Variants in SPTB observed in about 807,000 individuals in gnomAD.
SPTB encodes the protein spectrin beta, erythrocytic.
In SPTB, 45 loss-of-function variants were observed where a neutral mutation model predicts 256.2. That is an observed-to-expected ratio of 0.18 (90% CI 0.14 to 0.23). The LOEUF is 0.23. Ranked by LOEUF, SPTB falls within the 10% of genes least tolerant of loss-of-function variation. The pLI, the probability that SPTB is intolerant of heterozygous loss-of-function variation, is 1.00. For synonymous variants in SPTB, 1,231 were observed against 1,243.1 expected, an observed-to-expected ratio of 0.99 and a Z score of 0.21; for missense variants, 2,715 against 3,040.4, an observed-to-expected ratio of 0.89 and a Z score of 2.52.
At chr14:64,803,468 G>A in intron 4 of SPTB, 139 bp downstream of exon 4, 2 of 1,063,708 alleles carry the variant, frequency 1.9e-6, no homozygotes, top group African/African-American at 1.6e-5. Flanking sequence ...CTTCCTACAA[G>A]CACTGTCCCA....
At chr14:64,769,749 G>A (rs2082250108) in intron 27 of SPTB, 21 bp from the exon 28 acceptor site, 1 of 1,614,054 alleles carries the variant, frequency 6.2e-7, no homozygotes, top group Admixed American at 1.7e-5. Context: ...GGAGGACAAG[G>A]GAAGAAGGGA....
At chr14:64,836,628 C>T (rs2083527185) in intron 1 of SPTB, among the ~76,000 whole-genome samples, 1 of 152,168 alleles carries the variant, frequency 6.6e-6, no homozygotes, top group Non-Finnish European at 1.5e-5. Context: ...AGTTGAATGA[C>T]CCAAGCAGTG....
intron 15 of SPTB, among the ~76,000 whole-genome samples, chr14:64,788,349 C>A (rs1220472906): frequency 6.6e-6 from 1 of 152,192 alleles, no homozygotes; most frequent in African/African-American, 2.4e-5. Context: ...ACAGAGAGCG[C>A]TGTTGTGCAT....
At position 64,764,743 on chromosome 14, in the gene SPTB, C is replaced by T. The variant is rs544817118; in HGVS notation, c.6345+1983G>A. Among the ~76,000 whole-genome samples the T allele has an allele frequency of 6.2e-4, 95 of 152,268 alleles. No individual in the cohort carries two copies. Among genetic ancestry groups the T allele is most frequent in the African/African-American group, 2.1e-3 (88 of 41,558 alleles). On this transcript the variant is annotated intron_variant, in intron 32 of 35. Transcript: ENST00000644917. This position sits in a 1 kb window ranked among gnomAD's most constrained non-coding sequence, Gnocchi z 4.2. Reference sequence around the variant, plus strand: ...CACAGGGACGCATGGCAGAAGCAGGCGGGGGCAGGGTGCAGGGCCCTAGCC... The same window carrying T: ...CACAGGGACGCATGGCAGAAGCAGGTGGGGGCAGGGTGCAGGGCCCTAGCC...
rs145664609 is a variant in SPTB at position 64,769,112 on chromosome 14, C to T, written c.5944G>A (p.Glu1982Lys). The T allele has an allele frequency of 1.4e-4, 222 of 1,613,740 alleles. 1 individual carries two copies. In the African/African-American group the frequency reaches 2.5e-3, roughly 18 times the overall value. Residue 1982 changes from glutamate (E) to lysine (K), a missense_variant, in exon 29 of 36, where the codon GAG becomes AAG. Physicochemically the swap from Glu to Lys is moderately conservative, Grantham distance 56 (BLOSUM62 1). Around this residue, in one of 4 missense-constraint regions of SPTB, gnomAD observed 2,239 missense variants for 2,384.4 expected, o/e 0.94. Transcript: ENST00000644917. ...CTGGACATCACCTGCTGCAGTTTCT[C>T]GCGGATCTATGGGGAGGAAAGGGAG... Reference protein sequence around the residue: ...RQHQASEEIREKLQQVMSRRK... With the variant: ...RQHQASEEIRKKLQQVMSRRK...
Position 64,793,634 on chromosome 14 carries a change from G to A in SPTB, c.2029C>T (p.Arg677Cys), listed in dbSNP as rs755493619. Residue 677 changes from arginine (R) to cysteine (C), a missense_variant, in exon 14 of 36, where the codon CGC becomes TGC. Transcript: ENST00000644917. This position sits in a 1 kb window ranked among gnomAD's most constrained non-coding sequence, Gnocchi z 7.0. ...TCATCCTCAAAGGCCTTGTGCTTGC[G>A]CTGTAAGATGAGCACACTGGTCAGG... ...KDLTSVLILQRKHKAFEDELR... is the reference protein window; with the variant it reads ...KDLTSVLILQCKHKAFEDELR... 22 of 1,614,018 alleles carry A rather than the reference G, an allele frequency of 1.4e-5. No homozygotes were observed. In the Admixed American group the frequency reaches 1.8e-4, roughly 13 times the overall value.
At position 64,823,242 on chromosome 14, in the gene SPTB, T is replaced by C. The variant is rs999603096; in HGVS notation, c.-51-97A>G. 2 of 927,264 alleles carry C rather than the reference T, an allele frequency of 2.2e-6. No homozygotes were observed. Among genetic ancestry groups the C allele is most frequent in the Non-Finnish European group, 3.4e-6 (2 of 587,576 alleles). 57.4% of individuals were successfully genotyped at this position (927,264 alleles called of 1,614,324 possible). A position where few individuals can be genotyped will look rare whatever the true frequency, so the allele number is the denominator to read the frequency against. On this transcript the variant is annotated intron_variant, in intron 1 of 35. Transcript: ENST00000644917. The surrounding 1 kb of genome is among the most constrained non-coding windows in gnomAD (Gnocchi z 6.5). ...CGGAGCATCCAACGTGAGTAGATCCTGACAGAAGCAGAACGCCATGTCATC... is the reference window on the plus strand; with the variant it reads ...CGGAGCATCCAACGTGAGTAGATCCCGACAGAAGCAGAACGCCATGTCATC...
At position 64,783,390 on chromosome 14, in the gene SPTB, T is replaced by C. The variant is rs151182755; in HGVS notation, c.4003-837A>G. Among the ~76,000 whole-genome samples the C allele has an allele frequency of 3.6e-3, 549 of 152,206 alleles. 1 individual carries two copies. The highest frequency in any genetic ancestry group is 0.014 in the Middle Eastern group (4 of 294). ...ATAATTTTTGTATTTTTAGTAGAGA[T>C]GGGATTTCGCCATGTTGGCTAGGCT... On this transcript the variant is annotated intron_variant, in intron 19 of 35. Coordinates refer to ENST00000644917, the MANE Select transcript of SPTB (RefSeq NM_001355436.2).
At chr14:64,819,713 G>A (rs1566785314) in intron 2 of SPTB, among the ~76,000 whole-genome samples, 1 of 152,188 alleles carries the variant, frequency 6.6e-6, no homozygotes, top group Non-Finnish European at 1.5e-5. Context: ...TAAGAAGGAA[G>A]AAACAGGTCC....
rs527411647 is a variant in SPTB at position 64,775,425 on chromosome 14, C to T, written c.4564-22G>A. ...GTGTCTGCGGCCAGAAGGAAGGGCT[C>T]GGGGCAGGGCCTTCCCACCATGCGG... On this transcript the variant is annotated intron_variant, in intron 22 of 35. Transcript: ENST00000644917. This position sits in a 1 kb window ranked among gnomAD's most constrained non-coding sequence, Gnocchi z 5.0. The T allele has an allele frequency of 4.5e-5, 72 of 1,606,698 alleles. No homozygotes were observed. The South Asian group carries it at 5.9e-4, about 13-fold the overall frequency.
chr14:64,807,606 T>C lies in SPTB; in HGVS notation c.149-2516A>G, dbSNP rs767708487. On this transcript the variant is annotated intron_variant, in intron 2 of 35. Transcript: ENST00000644917. The surrounding 1 kb of genome is among the most constrained non-coding windows in gnomAD (Gnocchi z 4.7). ...ACACAGAAAGATTTCGAGAGGCTAA[T>C]GATGATTGGAAGGGGAGAAAAGGCC... 9.8e-5 allele frequency among the ~76,000 whole-genome samples: 15 copies of C among 152,290 alleles called. No homozygotes were observed. Among genetic ancestry groups the C allele is most frequent in the Middle Eastern group, 6.8e-3 (2 of 294 alleles).
intron 1 of SPTB, among the ~76,000 whole-genome samples, chr14:64,839,648 A>G (rs2083574968): frequency 6.6e-6 from 1 of 152,252 alleles, no homozygotes; most frequent in African/African-American, 2.4e-5. Flanking sequence ...GCAAATAATT[A>G]TGAAGCACCT....
chr14:64,868,002 G>T (rs1882294522), intron 1 of SPTB, among the ~76,000 whole-genome samples: 1 of 152,110 alleles, frequency 6.6e-6, no homozygotes, highest in Non-Finnish European at 1.5e-5. Context: ...TCCAAGGCAA[G>T]ATAATGGAGA....
Position 64,793,190 on chromosome 14 carries a change from C to G in SPTB, c.2473G>C (p.Ala825Pro), listed in dbSNP as rs2082705309. The G allele has an allele frequency of 1.2e-6, 2 of 1,613,338 alleles. No individual in the cohort carries two copies. The highest frequency in any genetic ancestry group is 2.7e-5 in the African/African-American group (2 of 75,072). ...DSPDVTHRLQ[A>P]LRELYQQVVA... ...ACCTGTTGGTAGAGCTCCCGCAGGG[C>G]CTGCAGCCGATGGGTCACATCTGGG... is the stretch of plus-strand genomic sequence containing the variant. The change falls in exon 14 of 36, where the codon GCC (alanine) becomes CCC (proline). Residue 825 changes from alanine to proline, a missense_variant. By Grantham distance (27) the Ala-to-Pro change is conservative. Around this residue, in one of 4 missense-constraint regions of SPTB, gnomAD observed 2,239 missense variants for 2,384.4 expected, o/e 0.94. Coordinates refer to ENST00000644917, the MANE Select transcript of SPTB (RefSeq NM_001355436.2). The surrounding 1 kb of genome is among the most constrained non-coding windows in gnomAD (Gnocchi z 7.0).
At position 64,764,546 on chromosome 14, in the gene SPTB, G is replaced by T. The variant is rs1176881611; in HGVS notation, c.6345+2180C>A. 6.6e-6 allele frequency among the ~76,000 whole-genome samples: 1 copy of T among 152,222 alleles called. No homozygotes were observed. Among genetic ancestry groups the T allele is most frequent in the African/African-American group, 2.4e-5 (1 of 41,460 alleles). Reference sequence around the variant, plus strand: ...CTTCTTCCCCCAAAGAGATCATCAGGTCCAAACAGGTTTTATTCCCCCCAA... The same window carrying T: ...CTTCTTCCCCCAAAGAGATCATCAGTTCCAAACAGGTTTTATTCCCCCCAA... On this transcript the variant is annotated intron_variant, in intron 32 of 35. Transcript: ENST00000644917. The surrounding 1 kb of genome is among the most constrained non-coding windows in gnomAD (Gnocchi z 4.2).
In SPTB at chr14:64,775,421, G is replaced by A. The variant is rs1023276890; in HGVS notation, c.4564-18C>T. 6.2e-7 allele frequency: 1 copy of A among 1,608,858 alleles called. No individual in the cohort carries two copies. The highest frequency in any genetic ancestry group is 1.7e-5 in the Admixed American group (1 of 59,842). On this transcript the variant is annotated intron_variant, in intron 22 of 35. Coordinates refer to ENST00000644917, the MANE Select transcript of SPTB (RefSeq NM_001355436.2). The surrounding 1 kb of genome is among the most constrained non-coding windows in gnomAD (Gnocchi z 5.0). Reference sequence around the variant, plus strand: ...TGCAGTGTCTGCGGCCAGAAGGAAGGGCTCGGGGCAGGGCCTTCCCACCAT... The same window carrying A: ...TGCAGTGTCTGCGGCCAGAAGGAAGAGCTCGGGGCAGGGCCTTCCCACCAT...
In SPTB at chr14:64,793,496, C is replaced by G. The variant is rs752447945; in HGVS notation, c.2167G>C (p.Ala723Pro). Residue 723 changes from alanine to proline, a missense_variant, in exon 14 of 36, where the codon GCA becomes CCA. Transcript: ENST00000644917. The surrounding 1 kb of genome is among the most constrained non-coding windows in gnomAD (Gnocchi z 7.0). ...QIEARIKEVS[A>P]QWDQLKDLAA... ...AGGTCCTTCAGCTGGTCCCACTGTG[C>G]CGACACCTCCTTTATGCGGGCCTCG... 15 of 1,614,098 alleles carry G rather than the reference C, an allele frequency of 9.3e-6. No individual in the cohort carries two copies. The African/African-American group carries it at 2.0e-4, about 22-fold the overall frequency.
intron 2 of SPTB, among the ~76,000 whole-genome samples, chr14:64,809,262 CAAAAAAAA>C (rs57245539): frequency 5.5e-5 from 5 of 91,030 alleles, no homozygotes; most frequent in Non-Finnish European, 6.7e-5. Context: ...AACTTTGTAT[CAAAAAAAA>C]AAAAAAAAAA....
At chr14:64,863,031 A>C (rs1227672905) in intron 1 of SPTB, among the ~76,000 whole-genome samples, 1 of 152,166 alleles carries the variant, frequency 6.6e-6, no homozygotes, top group East Asian at 1.9e-4. Flanking sequence ...AAGCTCTTGA[A>C]TTCACCACCT....
Sources: gnomAD v4.1 joint callset for allele counts (sites outside exome capture counted in the v4.1 genomes callset) on GRCh38, gnomAD v4.1.1 for gene constraint, gnomAD v4.1.1 regional missense constraint, Gnocchi (gnomAD v3.1) non-coding constraint, MANE v1.5 for transcripts, NCBI Gene and HGNC (gene_info 2026-07-23, HGNC 2026-07-21) for gene names.